Variants in SPATA16 observed in about 807,000 individuals in gnomAD.
The protein encoded by SPATA16 is spermatogenesis associated 16, also known as spermatogenesis-associated protein 16.
SPATA16 carries 36 observed loss-of-function variants against 63.3 expected under a neutral mutation model. That is an observed-to-expected ratio of 0.57 (90% CI 0.44 to 0.75). The LOEUF (loss-of-function observed/expected upper bound fraction) is 0.75, where lower values mean the gene tolerates loss of function less well. Ranked by LOEUF, SPATA16 falls within the 30% of genes least tolerant of loss-of-function variation. SPATA16 has a pLI of 0.00. For synonymous variants in SPATA16, 203 were observed against 216.7 expected (o/e 0.94, Z 0.56); for missense variants, 646 against 679.3 (o/e 0.95, Z 0.54).
rs34064036 is a variant in SPATA16, at chr3:173,105,807, C to CCCTTCCTT, written c.612+11305_612+11312dup. ...TTCATCCCTCCCTCTCTCCCTTCCT[C>CCCTTCCTT]CCTTCCTTCCTTCCTTCCTTCTTTC... On this transcript the variant is annotated intron_variant, in intron 2 of 10. Coordinates refer to ENST00000351008, the MANE Select transcript of SPATA16 (RefSeq NM_031955.6). Among the ~76,000 whole-genome samples the CCCTTCCTT allele has an allele frequency of 4.2e-3, 622 of 147,224 alleles. 3 individuals are homozygous for CCCTTCCTT. The highest frequency in any genetic ancestry group is 6.9e-3 in the African/African-American group (274 of 39,648).
intron 5 of SPATA16, among the ~76,000 whole-genome samples, chr3:172,962,689 AGTTTTATT>A (rs915689656): frequency 6.6e-6 from 1 of 152,140 alleles, no homozygotes; most frequent in Non-Finnish European, 1.5e-5. Context: ...TGAATATTAC[AGTTTTATT>A]GTTTTATTTT....
chr3:173,037,177 T>C (rs1735732176), intron 3 of SPATA16, among the ~76,000 whole-genome samples: 1 of 152,040 alleles, frequency 6.6e-6, no homozygotes, highest in South Asian at 2.1e-4. Flanking sequence ...GGAACATGCT[T>C]GTTGGTTAAT....
At chr3:173,133,924 C>A (rs190883812) in intron 1 of SPATA16, among the ~76,000 whole-genome samples, 2 of 152,208 alleles carry the variant, frequency 1.3e-5, no homozygotes, top group East Asian at 3.9e-4. Context: ...AGTGTACCTG[C>A]AACTTTTACC....
intron 5 of SPATA16, among the ~76,000 whole-genome samples, chr3:172,970,426 G>A (rs1176373653): frequency 6.6e-6 from 1 of 152,100 alleles, no homozygotes; most frequent in Non-Finnish European, 1.5e-5. Flanking sequence ...TCTATTCAGA[G>A]GTAACAATGT....
At chr3:173,129,459 C>T (rs973023663) in intron 1 of SPATA16, among the ~76,000 whole-genome samples, 1 of 152,098 alleles carries the variant, frequency 6.6e-6, no homozygotes, top group Non-Finnish European at 1.5e-5. Context: ...GTGTTAAGAA[C>T]TAATGCATCA....
At chr3:173,001,841 T>G (rs1577126495) in intron 4 of SPATA16, among the ~76,000 whole-genome samples, 1 of 152,178 alleles carries the variant, frequency 6.6e-6, no homozygotes, top group Admixed American at 6.5e-5. Context: ...ATTTTACTTG[T>G]TGTTAGTGTG....
chr3:172,996,737 A>G (rs187668812), intron 4 of SPATA16, among the ~76,000 whole-genome samples: 102 of 152,208 alleles, frequency 6.7e-4, no homozygotes, highest in Admixed American at 1.2e-3. Context: ...AATGATATAT[A>G]TCCTTCATTG....
chr3:172,917,025 TTTTC>T (rs1197293334), intron 8 of SPATA16, among the ~76,000 whole-genome samples: 1 of 152,226 alleles, frequency 6.6e-6, no homozygotes, highest in African/African-American at 2.4e-5. Flanking sequence ...CACAGTCTCC[TTTTC>T]TTTTTGACTA....
chr3:172,984,135 A>AT (rs1305749510), intron 4 of SPATA16, among the ~76,000 whole-genome samples: 1 of 152,154 alleles, frequency 6.6e-6, no homozygotes, highest in African/African-American at 2.4e-5. Flanking sequence ...TAAAATTAAA[A>AT]TTTTTAATTT....
At chr3:172,952,512 G>A (rs1036635520) in intron 6 of SPATA16, among the ~76,000 whole-genome samples, 1 of 152,010 alleles carries the variant, frequency 6.6e-6, no homozygotes, top group African/African-American at 2.4e-5. Flanking sequence ...TTACATAGGA[G>A]GGCTTTATGG....
rs149544132 is a variant in SPATA16, at chr3:173,020,412, A to G, written c.759-837T>C. ...GAAGACCTGTACTGTTGGTTAAGGGATCTAGTCTTGGTCTTGACCCTTTTG... is the reference window on the plus strand; with the variant it reads ...GAAGACCTGTACTGTTGGTTAAGGGGTCTAGTCTTGGTCTTGACCCTTTTG... On this transcript the variant is annotated intron_variant, in intron 3 of 10. Coordinates refer to ENST00000351008, the MANE Select transcript of SPATA16 (RefSeq NM_031955.6). Among the ~76,000 whole-genome samples the G allele has an allele frequency of 1.1e-3, 173 of 152,084 alleles. 1 individual carries two copies. The highest frequency in any genetic ancestry group is 1.7e-3 in the Non-Finnish European group (117 of 67,992).
chr3:172,905,779 C>CT (rs1408278812), intron 10 of SPATA16, among the ~76,000 whole-genome samples: 2 of 152,150 alleles, frequency 1.3e-5, no homozygotes, highest in African/African-American at 4.8e-5. Flanking sequence ...TACCTATACT[C>CT]TATTTGTTGG....
intron 4 of SPATA16, among the ~76,000 whole-genome samples, chr3:172,992,960 C>A (rs1353266466): frequency 6.6e-6 from 1 of 152,118 alleles, no homozygotes; most frequent in African/African-American, 2.4e-5. Context: ...CAAAGACAAT[C>A]TTTTGAGCAA....
At chr3:173,067,142 A>G (rs1283359254) in intron 2 of SPATA16, among the ~76,000 whole-genome samples, 2 of 152,110 alleles carry the variant, frequency 1.3e-5, no homozygotes, top group African/African-American at 4.8e-5. Context: ...AAGAATAAAA[A>G]TGAATGAAGC....
chr3:173,035,783 T>A (rs1200277867), intron 3 of SPATA16, among the ~76,000 whole-genome samples: 3 of 151,976 alleles, frequency 2.0e-5, no homozygotes, highest in Non-Finnish European at 4.4e-5. Flanking sequence ...TGAGGTAAAT[T>A]TTCATAATAA....
intron 5 of SPATA16, among the ~76,000 whole-genome samples, chr3:172,965,081 G>A (rs577527226): frequency 3.3e-5 from 5 of 152,150 alleles, no homozygotes; most frequent in East Asian, 1.9e-4. Context: ...TCACCTGTGC[G>A]TTGGCGAAGT....
intron 2 of SPATA16, among the ~76,000 whole-genome samples, chr3:173,114,651 C>T (rs16846604): frequency 0.13 from 20,096 of 152,156 alleles, 1,439 homozygotes; most frequent in African/African-American, 0.18. Flanking sequence ...GCAGCCAAAC[C>T]TAACCCTAAT....
At chr3:173,055,985 A>G (rs1736212648) in intron 2 of SPATA16, among the ~76,000 whole-genome samples, 1 of 152,166 alleles carries the variant, frequency 6.6e-6, no homozygotes, top group South Asian at 2.1e-4. Context: ...GACAATTTTA[A>G]TCATGTTTAA....
intron 4 of SPATA16, among the ~76,000 whole-genome samples, chr3:173,015,486 G>C (rs1280702828): frequency 6.6e-6 from 1 of 152,076 alleles, no homozygotes; most frequent in Non-Finnish European, 1.5e-5. Flanking sequence ...ATGTTATATG[G>C]TTTTTTGCCT....
Sources: gnomAD v4.1 joint callset for allele counts (sites outside exome capture counted in the v4.1 genomes callset) on GRCh38, gnomAD v4.1.1 for gene constraint, MANE v1.5 for transcripts, NCBI Gene and HGNC (gene_info 2026-07-23, HGNC 2026-07-21) for gene names.